CCDC180: variants seen among roughly 807,000 people sequenced by gnomAD.
CCDC180 encodes coiled-coil domain-containing protein 180.
CCDC180 carries 154 observed loss-of-function variants against 209.2 expected under a neutral mutation model. The ratio of observed to expected loss-of-function variants is 0.74; its 90% CI spans 0.65 to 0.84. The LOEUF (loss-of-function observed/expected upper bound fraction) is 0.84. Among genes scored for constraint, CCDC180 ranks in the 40% least tolerant of loss-of-function variants. The probability of loss-of-function intolerance (pLI) is 0.00; values close to 1 mark genes in which losing one functional copy is unlikely to be tolerated. For synonymous variants in CCDC180, 778 were observed against 749.1 expected (o/e 1.04, Z -0.63); for missense variants, 1,874 against 1,997.3 (o/e 0.94, Z 1.18).
In CCDC180 at chr9:97,349,745, G is replaced by T. The variant is rs894350648; in HGVS notation, c.2855+454G>T. On this transcript the variant is annotated intron_variant, in intron 21 of 36. Transcript: ENST00000529487. ...GGGCAGAGCAAGGGGCTCCAGAGAG[G>T]CCATTTGGGTTATGAGATGGAGGCC... 5.9e-5 allele frequency among the ~76,000 whole-genome samples: 9 copies of T among 152,298 alleles called. 1 individual carries two copies. In the Middle Eastern group the frequency reaches 0.017, roughly 288 times the overall value.
At position 97,366,334 on chromosome 9, in the gene CCDC180, T is replaced by G. The variant is rs1470414967; in HGVS notation, c.4048-225T>G. Among the ~76,000 whole-genome samples, 1 of 152,140 alleles carries G rather than the reference T, an allele frequency of 6.6e-6. No individual in the cohort carries two copies. Among genetic ancestry groups the G allele is most frequent in the Non-Finnish European group, 1.5e-5 (1 of 68,020 alleles). The stretch of plus-strand genomic sequence containing the variant: ...AATAGGATTCTTGCCAGTCACTCAT[T>G]CAGGAAATAACGAGGGCTGGCCATG... On this transcript the variant is annotated intron_variant, in intron 30 of 36. Transcript: ENST00000529487. The surrounding 1 kb of genome is among the most constrained non-coding windows in gnomAD (Gnocchi z 4.3).
chr9:97,373,143 CCT>C (rs1827150434), intron 34 of CCDC180: 1 of 152,182 alleles, frequency 6.6e-6, no homozygotes, highest in Non-Finnish European at 1.5e-5. Context: ...CTGATGATCA[CCT>C]CTGCTGGGTG....
In CCDC180 at chr9:97,307,745, G is replaced by C. The variant is rs1564141955; in HGVS notation, c.-143G>C. The C allele has an allele frequency of 6.2e-7, 1 of 1,614,178 alleles. No homozygotes were observed. Among genetic ancestry groups the C allele is most frequent in the East Asian group, 2.2e-5 (1 of 44,882 alleles). On this transcript the variant is annotated 5_prime_UTR_variant, in exon 1 of 37. Transcript: ENST00000529487. ...TTATTCGCGTTCCCAGAGTCCCTTCGGATTTGCGCCATGCGCGGCGGGGAG... is the reference window on the plus strand; with the variant it reads ...TTATTCGCGTTCCCAGAGTCCCTTCCGATTTGCGCCATGCGCGGCGGGGAG...
intron 22 of CCDC180, 87 bp downstream of exon 22, chr9:97,350,642 G>T: frequency 1.4e-6 from 2 of 1,398,696 alleles, no homozygotes; most frequent in South Asian, 2.7e-5. Context: ...TTTTAGTTTT[G>T]ACAAAATAAA....
intron 22 of CCDC180, 22 bp from the exon 23 acceptor site, chr9:97,354,547 A>G: frequency 6.2e-7 from 1 of 1,613,366 alleles, no homozygotes; most frequent in Non-Finnish European, 8.5e-7. Context: ...TGTGGCTTTT[A>G]TTTGTCTTTG....
intron 28 of CCDC180, 134 bp downstream of exon 28, chr9:97,362,575 C>G (rs1364633839): frequency 1.5e-6 from 2 of 1,310,846 alleles, no homozygotes; most frequent in Non-Finnish European, 2.1e-6. Context: ...CTCCACGGGG[C>G]GCAGTGAGGG....
chr9:97,333,708 G>A (rs987504548), intron 18 of CCDC180, among the ~76,000 whole-genome samples: 1 of 149,712 alleles, frequency 6.7e-6, no homozygotes, highest in Admixed American at 6.7e-5. Flanking sequence ...GGCTGTTGGA[G>A]TTTTTTTTTG....
chr9:97,322,372 A>G (rs1211663989), intron 11 of CCDC180, among the ~76,000 whole-genome samples: 4 of 152,230 alleles, frequency 2.6e-5, no homozygotes, highest in Non-Finnish European at 5.9e-5. Context: ...CCTAGACATC[A>G]GAGTCACACT....
rs2117882506 is a variant in CCDC180 at position 97,361,855 on chromosome 9, CT to C, written c.3614del (p.Leu1205ArgfsTer9). Reference sequence around the variant, plus strand: ...CCAGCTGAGCCGCGTGGGGAAGCCCCTGATTGAGGACCCAGCTGTGGATGTG... The same window carrying C: ...CCAGCTGAGCCGCGTGGGGAAGCCCCGATTGAGGACCCAGCTGTGGATGTG... ...FTQLSRVGKP[L>X]IEDPAVDVIR... On this transcript the variant is annotated frameshift_variant, in exon 27 of 37. Coordinates refer to ENST00000529487, the MANE Select transcript of CCDC180 (RefSeq NM_020893.6). LOFTEE classifies it high-confidence loss of function. 6.2e-7 allele frequency: 1 copy of C among 1,614,168 alleles called. No homozygotes were observed. Among genetic ancestry groups the C allele is most frequent in the East Asian group, 2.2e-5 (1 of 44,870 alleles).
At position 97,365,712 on chromosome 9, in the gene CCDC180, C is replaced by T; in HGVS notation, c.4020C>T (p.Ser1340=). The change falls in exon 30 of 37, where the codon AGC becomes AGT. Residue 1340 remains serine, a synonymous_variant. Transcript: ENST00000529487. ...TCATCTTGACCCTCCTCTGGGAGAG[C>T]AGTGAGAACCTGCTGACAGTCGCAG... The part of the protein sequence containing the change: ...KGIILTLLWE[S]SENLLTVAEE... 6.2e-7 allele frequency: 1 copy of T among 1,614,056 alleles called. No individual in the cohort carries two copies. Among genetic ancestry groups the T allele is most frequent in the South Asian group, 1.1e-5 (1 of 91,078 alleles).
At chr9:97,360,212 C>T (rs1426442649) in intron 26 of CCDC180, 111 bp downstream of exon 26, 9 of 1,288,162 alleles carry the variant, frequency 7.0e-6, no homozygotes, top group African/African-American at 4.5e-5. Flanking sequence ...CCCAGGCCTC[C>T]GCGGGACATC....
At chr9:97,320,877 T>G (rs1489437764) in intron 11 of CCDC180, among the ~76,000 whole-genome samples, 2 of 152,208 alleles carry the variant, frequency 1.3e-5, no homozygotes, top group Admixed American at 1.3e-4. Context: ...AGATAGCCCC[T>G]GACTTAGGAT....
intron 22 of CCDC180, 71 bp from the exon 23 acceptor site, chr9:97,354,498 C>A: frequency 1.3e-6 from 2 of 1,491,030 alleles, no homozygotes; most frequent in East Asian, 2.3e-5. Context: ...GTGTGTCAGC[C>A]ACAGTATTTG....
At chr9:97,370,946 T>TTTA in intron 33 of CCDC180, 168 bp downstream of exon 33, 2 of 376,826 alleles carry the variant, frequency 5.3e-6, no homozygotes, top group Non-Finnish European at 4.5e-6. Flanking sequence ...TTTTAACTTG[T>TTTA]ATACTTTTTT....
chr9:97,349,008 G>A (rs781042847), intron 20 of CCDC180, 103 bp from the exon 21 acceptor site: 87 of 1,089,652 alleles, frequency 8.0e-5, no homozygotes, highest in Middle Eastern at 6.1e-4. Context: ...TTCCTGTTCT[G>A]CAGCTGGCCT....
intron 32 of CCDC180, 139 bp from the exon 33 acceptor site, chr9:97,370,502 C>T (rs1422428986): frequency 3.1e-6 from 3 of 960,220 alleles, no homozygotes; most frequent in Non-Finnish European, 4.7e-6. Flanking sequence ...CCCTCTGCCA[C>T]TCTTCTGCCC....
chr9:97,320,125 G>T lies in CCDC180; in HGVS notation c.1080-1G>T, dbSNP rs1211663300. 6 of 1,614,002 alleles carry T rather than the reference G, an allele frequency of 3.7e-6. No individual in the cohort carries two copies. The highest frequency in any genetic ancestry group is 5.1e-6 in the Non-Finnish European group (6 of 1,179,922). On this transcript the variant is annotated splice_acceptor_variant, in intron 10 of 36. Coordinates refer to ENST00000529487, the MANE Select transcript of CCDC180 (RefSeq NM_020893.6). LOFTEE classifies it high-confidence loss of function. Reference sequence around the variant, plus strand: ...CTTACTTGCTGTATCTTCCTTCCCAGTGACCTCCTGCCCCCCAGTTACAGC... The same window carrying T: ...CTTACTTGCTGTATCTTCCTTCCCATTGACCTCCTGCCCCCCAGTTACAGC...
chr9:97,326,189 G>A (rs1833527004), intron 14 of CCDC180, among the ~76,000 whole-genome samples: 1 of 152,204 alleles, frequency 6.6e-6, no homozygotes, highest in Non-Finnish European at 1.5e-5. Context: ...AGGAGGTGGG[G>A]GAACAAACTC....
At chr9:97,318,967 A>G (rs1386529433) in intron 10 of CCDC180, among the ~76,000 whole-genome samples, 1 of 152,138 alleles carries the variant, frequency 6.6e-6, no homozygotes, top group South Asian at 2.1e-4. Flanking sequence ...GGCATCTGAC[A>G]CTGGAGGCTG....
Sources: allele counts gnomAD v4.1 joint callset (sites outside exome capture counted in the v4.1 genomes callset), GRCh38; gene constraint gnomAD v4.1.1; non-coding constraint Gnocchi (gnomAD v3.1); transcripts MANE v1.5; gene names NCBI Gene and HGNC (gene_info 2026-07-23, HGNC 2026-07-21).